Variants in LRRC8D observed in about 807,000 individuals in gnomAD.
LRRC8D encodes volume-regulated anion channel subunit LRRC8D.
Under a neutral mutation model 55.8 loss-of-function variants are expected in LRRC8D, and 20 were observed. The ratio of observed to expected loss-of-function variants is 0.36; its 90% confidence interval spans 0.25 to 0.52. The LOEUF (loss-of-function observed/expected upper bound fraction) is 0.52. Ranked by LOEUF, LRRC8D falls within the 20% of genes least tolerant of loss-of-function variation. The pLI is 0.93. For missense variants in LRRC8D, 651 were observed against 1,030.8 expected, an observed-to-expected ratio of 0.63 and a Z score of 5.05; for synonymous variants, 352 against 377.0, an observed-to-expected ratio of 0.93 and a Z score of 0.77.
intron 2 of LRRC8D, among the ~76,000 whole-genome samples, chr1:89,850,452 G>A (rs1661384537): frequency 6.6e-6 from 1 of 152,084 alleles, no homozygotes; most frequent in African/African-American, 2.4e-5. Flanking sequence ...GCCCCACTGT[G>A]TGTTATTTTC....
At chr1:89,831,304 C>A (rs4658332) in intron 1 of LRRC8D, among the ~76,000 whole-genome samples, 150,120 of 152,324 alleles carry the variant, frequency 0.99, 73,999 homozygotes, top group Middle Eastern at 1. Context: ...AGCAAAGCAA[C>A]CCGCAAGCCC....
At chr1:89,874,646 G>A (rs1440143583) in intron 2 of LRRC8D, among the ~76,000 whole-genome samples, 1 of 152,056 alleles carries the variant, frequency 6.6e-6, no homozygotes, top group Non-Finnish European at 1.5e-5. Flanking sequence ...TCTCCACTCA[G>A]TATGTATTGA....
At chr1:89,849,464 A>G (rs781010952) in intron 2 of LRRC8D, among the ~76,000 whole-genome samples, 8 of 150,224 alleles carry the variant, frequency 5.3e-5, no homozygotes, top group African/African-American at 9.8e-5. Context: ...TGCCAACTTT[A>G]TATCTCCACC....
intron 2 of LRRC8D, among the ~76,000 whole-genome samples, chr1:89,857,069 G>T (rs2100782573): frequency 6.6e-6 from 1 of 152,094 alleles, no homozygotes; most frequent in East Asian, 1.9e-4. Flanking sequence ...AAATTTGAAG[G>T]CTTTTCAACA....
chr1:89,832,374 A>G (rs1376969508), intron 1 of LRRC8D, among the ~76,000 whole-genome samples: 1 of 152,190 alleles, frequency 6.6e-6, no homozygotes, highest in African/African-American at 2.4e-5. Context: ...GGGGAGGGGA[A>G]CAACGTCTTT....
At chr1:89,916,428 C>A (rs1663270347) in intron 2 of LRRC8D, among the ~76,000 whole-genome samples, 2 of 152,194 alleles carry the variant, frequency 1.3e-5, no homozygotes, top group Admixed American at 1.3e-4. Flanking sequence ...ACCAATTTAT[C>A]ACTAAATCGA....
chr1:89,866,070 A>G (rs1351597693), intron 2 of LRRC8D, among the ~76,000 whole-genome samples: 2 of 152,260 alleles, frequency 1.3e-5, no homozygotes, highest in Non-Finnish European at 2.9e-5. Flanking sequence ...CTGCATGTGT[A>G]GCACATACCT....
chr1:89,849,222 A>T (rs1037599798), intron 2 of LRRC8D, among the ~76,000 whole-genome samples: 1 of 152,234 alleles, frequency 6.6e-6, no homozygotes, highest in Non-Finnish European at 1.5e-5. Context: ...TTAAAACTGT[A>T]AACAATATGG....
intron 2 of LRRC8D, among the ~76,000 whole-genome samples, chr1:89,857,469 T>C (rs548814344): frequency 2.0e-5 from 3 of 152,038 alleles, no homozygotes; most frequent in Non-Finnish European, 4.4e-5. Context: ...TATTATCTGA[T>C]TTTTAAAAAA....
At chr1:89,894,387 C>T (rs1406794367) in intron 2 of LRRC8D, among the ~76,000 whole-genome samples, 1 of 152,150 alleles carries the variant, frequency 6.6e-6, no homozygotes, top group African/African-American at 2.4e-5. Context: ...GCATCAGTAG[C>T]ACAAGGGTAT....
intron 2 of LRRC8D, among the ~76,000 whole-genome samples, chr1:89,863,468 T>C (rs1661769545): frequency 6.6e-6 from 1 of 152,176 alleles, no homozygotes; most frequent in South Asian, 2.1e-4. Flanking sequence ...TTAGTGATCC[T>C]AATAACCTGG....
At chr1:89,926,184 G>C (rs557205044) in intron 2 of LRRC8D, among the ~76,000 whole-genome samples, 1 of 152,310 alleles carries the variant, frequency 6.6e-6, no homozygotes, top group South Asian at 2.1e-4. Context: ...GCCCCGTTCT[G>C]TGCATCTGCT....
At chr1:89,864,959 C>T (rs1192191048) in intron 2 of LRRC8D, among the ~76,000 whole-genome samples, 2 of 152,174 alleles carry the variant, frequency 1.3e-5, no homozygotes, top group Non-Finnish European at 2.9e-5. Context: ...CCTGTGTCTT[C>T]TTTTGGTTTT....
At chr1:89,867,159 A>G (rs1351500487) in intron 2 of LRRC8D, among the ~76,000 whole-genome samples, 1 of 152,208 alleles carries the variant, frequency 6.6e-6, no homozygotes, top group Admixed American at 6.5e-5. Context: ...CCCAGTTAAC[A>G]TCATTCTCCA....
In LRRC8D at chr1:89,821,267, C is replaced by T. The variant is rs1049169052; in HGVS notation, c.-172C>T. On this transcript the variant is annotated 5_prime_UTR_variant, in exon 1 of 3. Transcript: ENST00000337338. ...CCTCCGGCCTCAGCATAAGCCGTGG[C>T]TTGGCGGCCGAGCTGCACCCCAAGG... is the stretch of plus-strand genomic sequence containing the variant. The T allele has an allele frequency of 6.6e-6, 1 of 151,874 alleles. No individual in the cohort carries two copies. The highest frequency in any genetic ancestry group is 2.4e-5 in the African/African-American group (1 of 41,418). 9.4% of individuals were successfully genotyped at this position (151,874 alleles called of 1,614,324 possible).
chr1:89,909,924 T>TCTTGGCTCTAATTTAAGTCC (rs1171311566), intron 2 of LRRC8D, among the ~76,000 whole-genome samples: 1 of 151,156 alleles, frequency 6.6e-6, no homozygotes, highest in Non-Finnish European at 1.5e-5. Context: ...TGAGTAAGAA[T>TCTTGGCTCTAATTTAAGTCC]CTTGGCTCTA....
chr1:89,869,286 C>T (rs530720893), intron 2 of LRRC8D, among the ~76,000 whole-genome samples: 76 of 152,186 alleles, frequency 5.0e-4, no homozygotes, highest in African/African-American at 1.6e-3. Context: ...TAGAGAAGAA[C>T]GTAAATGACC....
chr1:89,851,805 C>T (rs996007690), intron 2 of LRRC8D, among the ~76,000 whole-genome samples: 13 of 152,034 alleles, frequency 8.6e-5, no homozygotes, highest in African/African-American at 1.2e-4. Flanking sequence ...CCACCGCGAC[C>T]GGCACCACCT....
intron 1 of LRRC8D, among the ~76,000 whole-genome samples, chr1:89,834,145 T>C (rs1319815504): frequency 6.6e-6 from 1 of 152,194 alleles, no homozygotes; most frequent in Non-Finnish European, 1.5e-5. Context: ...AATAGAAATA[T>C]TGTGAAATTT....
Sources: allele counts gnomAD v4.1 joint callset (sites outside exome capture counted in the v4.1 genomes callset), GRCh38; gene constraint gnomAD v4.1.1; transcripts MANE v1.5; gene names NCBI Gene and HGNC (gene_info 2026-07-23, HGNC 2026-07-21).